LRMDA: variants seen among roughly 807,000 people sequenced by gnomAD.
LRMDA encodes the protein leucine-rich melanocyte differentiation-associated protein.
In LRMDA, 18 loss-of-function variants were observed where a neutral mutation model predicts 29.8. The observed-to-expected ratio is 0.60, with a 90% CI of 0.42 to 0.90. The LOEUF (loss-of-function observed/expected upper bound fraction) is 0.90, where lower values mean the gene tolerates loss of function less well. Ranked by LOEUF, LRMDA falls within the 40% of genes least tolerant of loss-of-function variation. LRMDA has a pLI of 0.00. For synonymous variants in LRMDA, 125 were observed against 109.4 expected, an observed-to-expected ratio of 1.14 and a Z score of -0.89; for missense variants, 273 against 273.9, an observed-to-expected ratio of 1.00 and a Z score of 0.02.
At chr10:76,333,374 A>G (rs1160454636) in intron 6 of LRMDA, among the ~76,000 whole-genome samples, 10 of 152,198 alleles carry the variant, frequency 6.6e-5, no homozygotes, top group Admixed American at 6.5e-4. Flanking sequence ...TGGGATTGGA[A>G]GGAAATTGTT....
intron 6 of LRMDA, among the ~76,000 whole-genome samples, chr10:76,501,438 G>A (rs965271326): frequency 1.3e-4 from 19 of 151,968 alleles, no homozygotes; most frequent in African/African-American, 3.9e-4. Flanking sequence ...TGTTCTTTGA[G>A]AAATTTACAG....
At chr10:75,900,525 A>G (rs2132364105) in intron 2 of LRMDA, among the ~76,000 whole-genome samples, 1 of 152,324 alleles carries the variant, frequency 6.6e-6, no homozygotes, top group East Asian at 1.9e-4. Context: ...CCCCTTTGAG[A>G]CTAGATTGGG....
intron 2 of LRMDA, among the ~76,000 whole-genome samples, chr10:75,719,751 T>C (rs1842543692): frequency 6.6e-6 from 1 of 152,160 alleles, no homozygotes; most frequent in Non-Finnish European, 1.5e-5. Flanking sequence ...GCCTACCCAG[T>C]CTGAGGGGAC....
intron 6 of LRMDA, among the ~76,000 whole-genome samples, chr10:76,329,044 A>G (rs768596422): frequency 2.0e-5 from 3 of 152,190 alleles, no homozygotes; most frequent in Non-Finnish European, 4.4e-5. Flanking sequence ...CTGAAGCACC[A>G]GTGAGGGGAT....
chr10:76,406,811 C>T (rs578078264), intron 6 of LRMDA, among the ~76,000 whole-genome samples: 18 of 152,192 alleles, frequency 1.2e-4, no homozygotes, highest in African/African-American at 4.3e-4. Context: ...ATTATTGGTC[C>T]ATAGAATGAG....
At chr10:76,542,897 T>C (rs1483979220) in intron 6 of LRMDA, among the ~76,000 whole-genome samples, 2 of 152,184 alleles carry the variant, frequency 1.3e-5, no homozygotes, top group African/African-American at 4.8e-5. Context: ...GATCTAGTTA[T>C]AGGGAAGGCC....
At chr10:76,269,664 G>A (rs867507370) in intron 5 of LRMDA, among the ~76,000 whole-genome samples, 4 of 152,112 alleles carry the variant, frequency 2.6e-5, no homozygotes, top group Admixed American at 6.5e-5. Context: ...ACGATATATG[G>A]TACATTTAAT....
chr10:75,575,431 A>G (rs1044834107), intron 2 of LRMDA, among the ~76,000 whole-genome samples: 1 of 152,216 alleles, frequency 6.6e-6, no homozygotes, highest in Non-Finnish European at 1.5e-5. Flanking sequence ...TAAAATAAAA[A>G]CAAATTATTT....
intron 2 of LRMDA, among the ~76,000 whole-genome samples, chr10:75,590,665 C>T (rs1840711098): frequency 6.8e-6 from 1 of 147,366 alleles, no homozygotes; most frequent in Non-Finnish European, 1.5e-5. Flanking sequence ...TTAATAATGC[C>T]TTAAATATTT....
chr10:75,610,242 G>A (rs1372683130), intron 2 of LRMDA, among the ~76,000 whole-genome samples: 1 of 152,104 alleles, frequency 6.6e-6, no homozygotes. Flanking sequence ...TCACTTTTAA[G>A]TATAGAAAAT....
intron 6 of LRMDA, among the ~76,000 whole-genome samples, chr10:76,441,415 G>A (rs547633230): frequency 1.2e-4 from 18 of 152,158 alleles, no homozygotes; most frequent in Non-Finnish European, 1.9e-4. Flanking sequence ...TATGTGCCAC[G>A]GTTATGTCAT....
At chr10:75,523,003 T>C (rs1279467250) in intron 2 of LRMDA, among the ~76,000 whole-genome samples, 2 of 152,238 alleles carry the variant, frequency 1.3e-5, no homozygotes, top group East Asian at 3.8e-4. Flanking sequence ...TGACCTGGCC[T>C]GGCCCCAGCT....
chr10:76,260,211 G>A (rs990633965), intron 5 of LRMDA, among the ~76,000 whole-genome samples: 1 of 151,850 alleles, frequency 6.6e-6, no homozygotes, highest in Non-Finnish European at 1.5e-5. Flanking sequence ...GTAGTGATAG[G>A]TTTCTCTTCT....
intron 6 of LRMDA, among the ~76,000 whole-genome samples, chr10:76,378,040 T>G (rs535613670): frequency 5.3e-5 from 8 of 152,304 alleles, no homozygotes. Flanking sequence ...TTCTATTTGT[T>G]TGTGTCATCT....
chr10:75,928,890 C>G (rs1414991066), intron 2 of LRMDA, among the ~76,000 whole-genome samples: 3 of 152,138 alleles, frequency 2.0e-5, no homozygotes, highest in Non-Finnish European at 2.9e-5. Context: ...GAATACCCAC[C>G]CCACTCAGAC....
chr10:76,292,954 A>T (rs1364651405), intron 5 of LRMDA, among the ~76,000 whole-genome samples: 2 of 152,154 alleles, frequency 1.3e-5, no homozygotes, highest in Non-Finnish European at 2.9e-5. Flanking sequence ...CAAAATGGGG[A>T]AACAGTGTGT....
rs189015503 is a variant in LRMDA, at chr10:75,813,731, A to G, written c.132-222277A>G. Among the ~76,000 whole-genome samples, 1,373 of 152,310 alleles carry G rather than the reference A, an allele frequency of 9.0e-3. 11 individuals are homozygous for G. The highest frequency in any genetic ancestry group is 0.032 in the African/African-American group (1,317 of 41,566). ...CTTTACATGCAGTTTCAGATATCCAAATTCCCTGATCGTGAACTCCCTGTT... is the reference window on the plus strand; with the variant it reads ...CTTTACATGCAGTTTCAGATATCCAGATTCCCTGATCGTGAACTCCCTGTT... On this transcript the variant is annotated intron_variant, in intron 2 of 6. Transcript: ENST00000611255.
chr10:76,535,168 T>C (rs1843277131), intron 6 of LRMDA, among the ~76,000 whole-genome samples: 1 of 152,172 alleles, frequency 6.6e-6, no homozygotes, highest in Non-Finnish European at 1.5e-5. Flanking sequence ...CATGAGTCCA[T>C]GACCAGAAAA....
chr10:76,409,995 A>G (rs1334564714), intron 6 of LRMDA, among the ~76,000 whole-genome samples: 1 of 152,202 alleles, frequency 6.6e-6, no homozygotes, highest in African/African-American at 2.4e-5. Flanking sequence ...TCTTCCTGGA[A>G]GAGGTAACAT....
Sources: gnomAD v4.1 joint callset for allele counts (sites outside exome capture counted in the v4.1 genomes callset) on GRCh38, gnomAD v4.1.1 for gene constraint, MANE v1.5 for transcripts, NCBI Gene and HGNC (gene_info 2026-07-23, HGNC 2026-07-21) for gene names.